RNPC3: variants seen among roughly 807,000 people sequenced by gnomAD.
RNPC3 encodes the protein RNA-binding region-containing protein 3.
RNPC3 carries 48 observed loss-of-function variants against 67.5 expected under a neutral mutation model. The ratio of observed to expected loss-of-function variants is 0.71; its 90% CI spans 0.56 to 0.90. The LOEUF (loss-of-function observed/expected upper bound fraction) is 0.90. Among genes scored for constraint, RNPC3 ranks in the 40% least tolerant of loss-of-function variants. RNPC3 has a pLI of 0.00. For missense variants in RNPC3, 637 were observed against 626.1 expected, an observed-to-expected ratio of 1.02 and a Z score of -0.19; for synonymous variants, 239 against 210.3, an observed-to-expected ratio of 1.14 and a Z score of -1.18.
At chr1:103,531,073 C>G (rs944890235) in intron 2 of RNPC3, among the ~76,000 whole-genome samples, 2 of 152,160 alleles carry the variant, frequency 1.3e-5, no homozygotes, top group Non-Finnish European at 2.9e-5. Flanking sequence ...TTAGCTCCTA[C>G]TTAGGAGTGA....
intron 12 of RNPC3, among the ~76,000 whole-genome samples, chr1:103,549,533 T>A (rs1376871414): frequency 6.6e-6 from 1 of 152,168 alleles, no homozygotes; most frequent in Non-Finnish European, 1.5e-5. Flanking sequence ...AAAAAATTAC[T>A]TTACTGCATT....
chr1:103,532,929 A>G (rs1227210610), intron 2 of RNPC3, among the ~76,000 whole-genome samples: 1 of 152,072 alleles, frequency 6.6e-6, no homozygotes, highest in Non-Finnish European at 1.5e-5. Flanking sequence ...GATAGCTTGT[A>G]CAGAGTTTTA....
intron 2 of RNPC3, 58 bp from the exon 3 acceptor site, chr1:103,533,681 C>G (rs544862908): frequency 1.4e-4 from 126 of 900,716 alleles, no homozygotes; most frequent in Middle Eastern, 9.7e-4. Flanking sequence ...AAATTGGTCT[C>G]TAACGAATCA....
chr1:103,547,785 G>A (rs957731280), intron 12 of RNPC3, among the ~76,000 whole-genome samples: 1 of 152,216 alleles, frequency 6.6e-6, no homozygotes, highest in Non-Finnish European at 1.5e-5. Context: ...TCACACTGCT[G>A]ATAGACATAC....
rs1438231150 is a variant in RNPC3 at position 103,526,233 on chromosome 1, G to A, written c.163G>A (p.Val55Met). Residue 55 changes from valine to methionine, a missense_variant, in exon 1 of 15, where the codon GTG becomes ATG. This residue lies in a region of RNPC3 where 536 missense variants were observed against 500.3 expected (regional missense o/e 1.07). Coordinates refer to ENST00000423855, the MANE Select transcript of RNPC3 (RefSeq NM_017619.4). Reference sequence around the variant, plus strand: ...GCTGAAGTACTTCGGGGCTCAGTCTGTGCGGGTCCTGTCAGATAAGGGGCG... The same window carrying A: ...GCTGAAGTACTTCGGGGCTCAGTCTATGCGGGTCCTGTCAGATAAGGGGCG... ...DLLKYFGAQS[V>M]RVLSDKGRLK... The A allele has an allele frequency of 3.2e-6, 5 of 1,550,468 alleles. No homozygotes were observed. Among genetic ancestry groups the A allele is most frequent in the Admixed American group, 2.0e-5 (1 of 50,858 alleles).
rs1218106869 is a variant in RNPC3, at chr1:103,525,830, C to A, written c.-241C>A. ...TCTGGGCCAATTTTTGCTTGTAAGTCTTTCCGGAGACCCCTGGAATTTAAA... is the reference window on the plus strand; with the variant it reads ...TCTGGGCCAATTTTTGCTTGTAAGTATTTCCGGAGACCCCTGGAATTTAAA... On this transcript the variant is annotated 5_prime_UTR_variant, in exon 1 of 15. Transcript: ENST00000423855. 34 of 448,018 alleles carry A rather than the reference C, an allele frequency of 7.6e-5. No individual in the cohort carries two copies. The East Asian group carries it at 1.3e-3, about 17-fold the overall frequency. 27.8% of individuals were successfully genotyped at this position (448,018 alleles called of 1,614,324 possible). A position where few individuals can be genotyped will look rare whatever the true frequency, so the allele number is the denominator to read the frequency against.
intron 2 of RNPC3, among the ~76,000 whole-genome samples, chr1:103,529,830 G>A (rs1471146343): frequency 6.6e-6 from 1 of 152,186 alleles, no homozygotes; most frequent in Admixed American, 6.5e-5. Flanking sequence ...CCACCTGTTA[G>A]AACCTGGGCC....
intron 8 of RNPC3, among the ~76,000 whole-genome samples, chr1:103,542,989 T>C (rs1651160314): frequency 6.6e-6 from 1 of 151,752 alleles, no homozygotes; most frequent in African/African-American, 2.4e-5. Context: ...TTAATAAATA[T>C]CCTGGTGTTT....
Position 103,535,390 on chromosome 1 carries a change from C to G in RNPC3, c.504C>G (p.Ile168Met). 1 of 1,535,784 alleles carries G rather than the reference C, an allele frequency of 6.5e-7. No homozygotes were observed. Among genetic ancestry groups the G allele is most frequent in the Non-Finnish European group, 8.7e-7 (1 of 1,145,834 alleles). ...TGTACCCACCACCTTCCAGCACAATCCTAGCAAACATTGTAAATGCCTTGG... is the reference window on the plus strand; with the variant it reads ...TGTACCCACCACCTTCCAGCACAATGCTAGCAAACATTGTAAATGCCTTGG... ...KYMYPPPSST[I>M]LANIVNALAS... Residue 168 changes from isoleucine (I) to methionine (M), a missense_variant, in exon 5 of 15, where the codon ATC becomes ATG. By Grantham distance (10) the Ile-to-Met change is conservative. Coordinates refer to ENST00000423855, the MANE Select transcript of RNPC3 (RefSeq NM_017619.4).
At chr1:103,527,772 T>A (rs1570613838) in intron 2 of RNPC3, 30 bp downstream of exon 2, 6 of 1,460,520 alleles carry the variant, frequency 4.1e-6, no homozygotes, top group Non-Finnish European at 5.6e-6. Context: ...ATTAAAGTTG[T>A]CAACAGGATC....
At chr1:103,527,782 C>G in intron 2 of RNPC3, 40 bp downstream of exon 2, 1 of 1,382,074 alleles carries the variant, frequency 7.2e-7, no homozygotes, top group South Asian at 1.3e-5. Context: ...TCAACAGGAT[C>G]CTCTTATACA....
chr1:103,549,942 T>C (rs1651344966), intron 12 of RNPC3, among the ~76,000 whole-genome samples: 1 of 150,698 alleles, frequency 6.6e-6, no homozygotes, highest in African/African-American at 2.4e-5. Context: ...GCGGGGGGGA[T>C]CACTTGAGGT....
chr1:103,550,317 A>T (rs1188844002), intron 12 of RNPC3, among the ~76,000 whole-genome samples: 2 of 152,060 alleles, frequency 1.3e-5, no homozygotes, highest in South Asian at 2.1e-4. Context: ...TAAGGAACTT[A>T]AAAAATTGAG....
chr1:103,546,879 A>G (rs1029794967), intron 11 of RNPC3, 98 bp from the exon 12 acceptor site: 8 of 631,950 alleles, frequency 1.3e-5, no homozygotes, highest in Non-Finnish European at 2.1e-5. Flanking sequence ...ACCTTAGTCC[A>G]GTATGACCTC....
intron 9 of RNPC3, 25 bp from the exon 10 acceptor site, chr1:103,544,916 G>T (rs1019592251): frequency 2.8e-6 from 4 of 1,451,714 alleles, no homozygotes; most frequent in Non-Finnish European, 3.7e-6. Context: ...ATTCTTAATG[G>T]TTAATGTTAA....
At chr1:103,532,822 TATG>T (rs992370179) in intron 2 of RNPC3, among the ~76,000 whole-genome samples, 10 of 152,080 alleles carry the variant, frequency 6.6e-5, no homozygotes, top group Non-Finnish European at 5.9e-5. Context: ...ATTTGTTGTC[TATG>T]ATAAGCAGTC....
At chr1:103,527,628 A>T in intron 1 of RNPC3, 67 bp from the exon 2 acceptor site, 1 of 1,245,742 alleles carries the variant, frequency 8.0e-7, no homozygotes, top group Non-Finnish European at 1.1e-6. Flanking sequence ...CACTGGTAAA[A>T]AGTCAGATTT....
rs914389967 is a variant in RNPC3 at position 103,541,421 on chromosome 1, G to T, written c.839G>T (p.Arg280Ile). 3 of 1,492,268 alleles carry T rather than the reference G, an allele frequency of 2.0e-6. No individual in the cohort carries two copies. The highest frequency in any genetic ancestry group is 2.6e-6 in the Non-Finnish European group (3 of 1,132,434). 92.4% of individuals were successfully genotyped at this position (1,492,268 alleles called of 1,614,324 possible). A position where few individuals can be genotyped will look rare whatever the true frequency, so the allele number is the denominator to read the frequency against. The change falls in exon 8 of 15, where the codon AGA becomes ATA. Residue 280 changes from arginine to isoleucine, a missense_variant. This residue lies in a region of RNPC3 where 536 missense variants were observed against 500.3 expected (regional missense o/e 1.07). Transcript: ENST00000423855. ...AAAACAATAAAGCAGCGCCATGTGA[G>T]AAAAAAGAGAAAAATAAAGGATATG... Reference protein sequence around the residue: ...RPKTIKQRHVRKKRKIKDMLN... With the variant: ...RPKTIKQRHVIKKRKIKDMLN...
intron 1 of RNPC3, among the ~76,000 whole-genome samples, chr1:103,526,692 T>C (rs897202848): frequency 1.3e-5 from 2 of 152,200 alleles, no homozygotes; most frequent in African/African-American, 2.4e-5. Context: ...AGAAGCTACA[T>C]TGGTGACTTG....
Sources: gnomAD v4.1 joint callset for allele counts (sites outside exome capture counted in the v4.1 genomes callset) on GRCh38, gnomAD v4.1.1 for gene constraint, gnomAD v4.1.1 regional missense constraint, MANE v1.5 for transcripts, NCBI Gene and HGNC (gene_info 2026-07-23, HGNC 2026-07-21) for gene names.